The following LAMB1 variants were observed in gnomAD, a reference collection of about 807,000 sequenced individuals.
LAMB1 encodes the protein laminin subunit beta-1.
In LAMB1, 121 loss-of-function variants were observed where a neutral mutation model predicts 222.3. The ratio of observed to expected loss-of-function variants is 0.54; its 90% confidence interval spans 0.47 to 0.63. The LOEUF is 0.63. LAMB1 is among the 30% of genes least tolerant of loss of function. LAMB1 has a pLI of 0.00. For synonymous variants in LAMB1, 794 were observed against 807.2 expected, an observed-to-expected ratio of 0.98 and a Z score of 0.28; for missense variants, 2,172 against 2,240.8, an observed-to-expected ratio of 0.97 and a Z score of 0.62.
Position 107,966,356 on chromosome 7 carries a change from G to GT in LAMB1, c.1563-1670_1563-1669insA, listed in dbSNP as rs1429068329. Reference sequence around the variant, plus strand: ...CTCCTGAGTAGCTGGGACTATAGGCGACTGCCACCATGCCTGGCTAATTTT... The same window carrying GT: ...CTCCTGAGTAGCTGGGACTATAGGCGTACTGCCACCATGCCTGGCTAATTTT... On this transcript the variant is annotated intron_variant, in intron 13 of 33. Coordinates refer to ENST00000222399, the MANE Select transcript of LAMB1 (RefSeq NM_002291.3). 3.3e-5 allele frequency among the ~76,000 whole-genome samples: 5 copies of GT among 151,940 alleles called. No individual in the cohort carries two copies. The East Asian group carries it at 9.8e-4, about 30-fold the overall frequency.
intron 5 of LAMB1, among the ~76,000 whole-genome samples, chr7:107,992,528 C>G (rs1454104024): frequency 6.6e-6 from 1 of 152,154 alleles, no homozygotes; most frequent in Admixed American, 6.5e-5. Context: ...TACTATATGC[C>G]AAGCATCTGC....
intron 4 of LAMB1, among the ~76,000 whole-genome samples, chr7:107,995,933 C>G (rs1429828297): frequency 1.3e-5 from 2 of 151,542 alleles, no homozygotes; most frequent in East Asian, 3.9e-4. Flanking sequence ...GGAAAATTGC[C>G]AAGTCAATTG....
intron 8 of LAMB1, 113 bp downstream of exon 8, chr7:107,980,496 T>G (rs549286853): frequency 1.2e-6 from 1 of 820,468 alleles, no homozygotes; most frequent in African/African-American, 1.7e-5. Context: ...TAAATGTAAC[T>G]CTGTAAAACT....
intron 4 of LAMB1, among the ~76,000 whole-genome samples, 183 bp from the exon 5 acceptor site, chr7:107,995,143 A>T (rs2034259753): frequency 6.6e-6 from 1 of 152,258 alleles, no homozygotes; most frequent in Admixed American, 6.5e-5. Context: ...GGTAAAGCAC[A>T]AGTTGAATGA....
chr7:107,977,339 G>A (rs183203303), intron 9 of LAMB1, among the ~76,000 whole-genome samples: 72 of 152,212 alleles, frequency 4.7e-4, no homozygotes, highest in African/African-American at 1.6e-3. Context: ...ATCTCCACCC[G>A]GAGAAAACCC....
At chr7:107,955,771 C>T (rs2033362927) in intron 20 of LAMB1, 141 bp from the exon 21 acceptor site, 10 of 761,042 alleles carry the variant, frequency 1.3e-5, no homozygotes, top group East Asian at 3.0e-5. Flanking sequence ...CTTGCTCTGT[C>T]ACCCAGGCTG....
chr7:107,953,506 G>T, intron 22 of LAMB1, 24 bp downstream of exon 22: 1 of 1,498,104 alleles, frequency 6.7e-7, no homozygotes, highest in Non-Finnish European at 9.3e-7. Context: ...TCTAAGAAGT[G>T]GGCAGAATAA....
At position 107,929,412 on chromosome 7, in the gene LAMB1, C is replaced by A. The variant is rs747370433; in HGVS notation, c.4745G>T (p.Ser1582Ile). The change falls in exon 30 of 34, where the codon AGC (serine) becomes ATC (isoleucine). Residue 1582 changes from serine to isoleucine, a missense_variant and splice_region_variant. Coordinates refer to ENST00000222399, the MANE Select transcript of LAMB1 (RefSeq NM_002291.3). ...EMLLEEAKRA[S>I]KSATDVKVTA... Reference sequence around the variant, plus strand: ...CCTTAGATGCCATGTCTTTAGATACCTTGCTCTTTTAGCTTCTTCTAACAA... The same window carrying A: ...CCTTAGATGCCATGTCTTTAGATACATTGCTCTTTTAGCTTCTTCTAACAA... The A allele has an allele frequency of 5.0e-5, 80 of 1,612,936 alleles. No individual in the cohort carries two copies. The Admixed American group carries it at 1.2e-3, about 25-fold the overall frequency.
At chr7:107,976,553 G>T (rs2033860196) in intron 9 of LAMB1, among the ~76,000 whole-genome samples, 1 of 152,134 alleles carries the variant, frequency 6.6e-6, no homozygotes, top group South Asian at 2.1e-4. Flanking sequence ...GCTTGACTCA[G>T]CCTGGCCCTC....
Position 107,961,665 on chromosome 7 carries a change from G to A in LAMB1, c.1869C>T (p.His623=). 6.2e-7 allele frequency: 1 copy of A among 1,613,420 alleles called. No homozygotes were observed. The highest frequency in any genetic ancestry group is 8.5e-7 in the Non-Finnish European group (1 of 1,179,412). ...GCACTGTGATGACAGCTTTTTCCCA[G>A]TGGTCGGGTAGCTAGAATAAGAAAC... ...LIRYEPQLPD[H]WEKAVITVQR... Residue 623 remains histidine, a synonymous_variant, in exon 16 of 34, where the codon CAC becomes CAT. Coordinates refer to ENST00000222399, the MANE Select transcript of LAMB1 (RefSeq NM_002291.3).
intron 3 of LAMB1, among the ~76,000 whole-genome samples, chr7:108,000,506 A>G (rs766164381): frequency 2.6e-5 from 4 of 152,232 alleles, no homozygotes; most frequent in Non-Finnish European, 5.9e-5. Flanking sequence ...TGAAACTGAT[A>G]CTTTCTGCTT....
In LAMB1 at chr7:107,998,292, C is replaced by G. The variant is rs58208921; in HGVS notation, c.349+65G>C. 2.6e-3 allele frequency: 3,957 copies of G among 1,529,116 alleles called. 84 individuals carry two copies. The African/African-American group carries it at 0.047, about 18-fold the overall frequency. 94.7% of individuals were successfully genotyped at this position (1,529,116 alleles called of 1,614,324 possible). ...AATCATAATTACAAACACCCAGGAA[C>G]CTGTAAGCTCCACCCAAGTTATCAA... On this transcript the variant is annotated intron_variant, in intron 4 of 33. Coordinates refer to ENST00000222399, the MANE Select transcript of LAMB1 (RefSeq NM_002291.3).
intron 14 of LAMB1, 33 bp from the exon 15 acceptor site, chr7:107,963,096 T>A (rs2033548543): frequency 6.5e-7 from 1 of 1,527,650 alleles, no homozygotes; most frequent in Non-Finnish European, 8.9e-7. Flanking sequence ...TTATTCTGTA[T>A]TTGAAATGGA....
chr7:107,928,658 A>G (rs565833270), intron 31 of LAMB1, among the ~76,000 whole-genome samples: 1 of 152,268 alleles, frequency 6.6e-6, no homozygotes, highest in South Asian at 2.1e-4. Flanking sequence ...ATGCCCAGCT[A>G]ACTTTTGTAT....
intron 21 of LAMB1, 140 bp downstream of exon 21, chr7:107,955,327 G>A (rs1584503689): frequency 2.8e-6 from 2 of 710,868 alleles, no homozygotes; most frequent in Non-Finnish European, 4.3e-6. Context: ...TAGGAAAAGA[G>A]CATCTTTTCT....
At chr7:107,941,712 T>G (rs981711723) in intron 24 of LAMB1, among the ~76,000 whole-genome samples, 2 of 151,090 alleles carry the variant, frequency 1.3e-5, no homozygotes, top group African/African-American at 4.9e-5. Flanking sequence ...TGGAGTACAA[T>G]GGCGCGATCT....
At chr7:108,002,656 C>T (rs1022314692) in intron 2 of LAMB1, among the ~76,000 whole-genome samples, 193 bp downstream of exon 2, 4 of 152,186 alleles carry the variant, frequency 2.6e-5, no homozygotes, top group African/African-American at 9.6e-5. Flanking sequence ...GATGAGGGTC[C>T]GCGGCGCTCC....
At chr7:107,958,597 A>G (rs541395702) in intron 20 of LAMB1, among the ~76,000 whole-genome samples, 24 of 152,372 alleles carry the variant, frequency 1.6e-4, no homozygotes, top group African/African-American at 5.8e-4. Context: ...CAGTTCTAAC[A>G]GTACTGTCTG....
chr7:107,955,133 G>T (rs1041087393), intron 21 of LAMB1, among the ~76,000 whole-genome samples: 39 of 152,264 alleles, frequency 2.6e-4, no homozygotes, highest in African/African-American at 8.9e-4. Flanking sequence ...ACAGCTTTGA[G>T]ATACTTTTGC....
Sources: gnomAD v4.1 joint callset for allele counts (sites outside exome capture counted in the v4.1 genomes callset) on GRCh38, gnomAD v4.1.1 for gene constraint, MANE v1.5 for transcripts, NCBI Gene and HGNC (gene_info 2026-07-23, HGNC 2026-07-21) for gene names.